Variants in CNTN5 observed in about 807,000 individuals in gnomAD.
CNTN5 encodes contactin-5.
Under a neutral mutation model 129.1 loss-of-function variants are expected in CNTN5, and 77 were observed. The observed-to-expected ratio is 0.60, with a 90% CI of 0.50 to 0.72. The LOEUF is 0.72. Among genes scored for constraint, CNTN5 ranks in the 30% least tolerant of loss-of-function variants. The probability of loss-of-function intolerance (pLI) is 0.00; values close to 1 mark genes in which losing one functional copy is unlikely to be tolerated. For missense variants in CNTN5, 1,478 were observed against 1,328.8 expected (o/e 1.11, Z -1.75); for synonymous variants, 509 against 465.6 (o/e 1.09, Z -1.20).
In CNTN5 at chr11:100,221,259, AG is replaced by A. The variant is rs1949259470; in HGVS notation, c.1885-3431del. 8.5e-5 allele frequency among the ~76,000 whole-genome samples: 13 copies of A among 152,306 alleles called. No homozygotes were observed. In the South Asian group the frequency reaches 2.7e-3, roughly 32 times the overall value. ...GTATGCCTATGTCTAGGTGAATGTAAGGTTGGTGTTGTAGAATGACAGGATT... is the reference window on the plus strand; with the variant it reads ...GTATGCCTATGTCTAGGTGAATGTAAGTTGGTGTTGTAGAATGACAGGATT... On this transcript the variant is annotated intron_variant, in intron 15 of 24. Coordinates refer to ENST00000524871, the MANE Select transcript of CNTN5 (RefSeq NM_014361.4).
At chr11:99,698,487 C>A (rs531446311) in intron 3 of CNTN5, among the ~76,000 whole-genome samples, 3 of 151,448 alleles carry the variant, frequency 2.0e-5, no homozygotes, top group East Asian at 1.9e-4. Flanking sequence ...TATTTATCTC[C>A]TTTTTGGGTC....
intron 2 of CNTN5, among the ~76,000 whole-genome samples, chr11:99,392,539 A>G (rs576454861): frequency 3.3e-5 from 5 of 152,036 alleles, no homozygotes; most frequent in African/African-American, 1.2e-4. Context: ...TACCATCTGC[A>G]TTGCCAGTGA....
At chr11:99,081,313 C>T (rs1247188446) in intron 1 of CNTN5, among the ~76,000 whole-genome samples, 2 of 152,104 alleles carry the variant, frequency 1.3e-5, no homozygotes, top group Non-Finnish European at 1.5e-5. Flanking sequence ...GCTGCAACCT[C>T]ATTAATTTAA....
chr11:100,302,690 C>T (rs1951251557), intron 20 of CNTN5, among the ~76,000 whole-genome samples: 2 of 151,476 alleles, frequency 1.3e-5, no homozygotes, highest in Non-Finnish European at 3.0e-5. Flanking sequence ...GAAAAACTTA[C>T]AAGGCACACC....
intron 1 of CNTN5, among the ~76,000 whole-genome samples, chr11:99,231,539 C>T (rs983481372): frequency 1.3e-5 from 2 of 152,124 alleles, no homozygotes; most frequent in Non-Finnish European, 2.9e-5. Context: ...CTTGTAGACT[C>T]AGGATATTAA....
At chr11:99,416,918 A>G (rs985762861) in intron 2 of CNTN5, among the ~76,000 whole-genome samples, 1 of 152,012 alleles carries the variant, frequency 6.6e-6, no homozygotes, top group Non-Finnish European at 1.5e-5. Flanking sequence ...TCATATCAGG[A>G]CTCCACAACT....
At chr11:99,171,752 T>A (rs568755387) in intron 1 of CNTN5, among the ~76,000 whole-genome samples, 59 of 152,198 alleles carry the variant, frequency 3.9e-4, no homozygotes, top group Non-Finnish European at 6.8e-4. Flanking sequence ...TTGCTCAGTG[T>A]TTCCATGACA....
At chr11:100,024,595 G>C (rs1379044710) in intron 9 of CNTN5, among the ~76,000 whole-genome samples, 1 of 152,172 alleles carries the variant, frequency 6.6e-6, no homozygotes, top group Admixed American at 6.5e-5. Context: ...CGAAAATGCT[G>C]ATAGTGATAT....
chr11:100,231,371 A>G (rs981446262), intron 16 of CNTN5, among the ~76,000 whole-genome samples: 1 of 152,148 alleles, frequency 6.6e-6, no homozygotes, highest in East Asian at 1.9e-4. Flanking sequence ...AGAGACAGGA[A>G]GGGGTGTGTA....
intron 6 of CNTN5, among the ~76,000 whole-genome samples, chr11:99,862,918 G>A (rs1280831927): frequency 6.6e-6 from 1 of 152,120 alleles, no homozygotes; most frequent in Non-Finnish European, 1.5e-5. Context: ...ATTGTGAGAA[G>A]TCGATCTGGG....
At chr11:99,901,631 A>AT (rs1230235629) in intron 6 of CNTN5, among the ~76,000 whole-genome samples, 8 of 152,020 alleles carry the variant, frequency 5.3e-5, no homozygotes, top group African/African-American at 1.9e-4. Flanking sequence ...AGAATGGTTT[A>AT]TTTTTTTCTA....
chr11:100,093,439 T>G (rs1408421122), intron 13 of CNTN5, among the ~76,000 whole-genome samples: 2 of 150,092 alleles, frequency 1.3e-5, no homozygotes, highest in African/African-American at 4.9e-5. Flanking sequence ...TTTTTATTAT[T>G]TTTTTTTTAT....
chr11:100,233,703 G>T (rs1237967004), intron 16 of CNTN5, among the ~76,000 whole-genome samples: 1 of 151,930 alleles, frequency 6.6e-6, no homozygotes, highest in Non-Finnish European at 1.5e-5. Flanking sequence ...ACATCTTGTG[G>T]GACTTCTTAT....
At chr11:99,419,516 T>C (rs1202659125) in intron 2 of CNTN5, among the ~76,000 whole-genome samples, 2 of 152,150 alleles carry the variant, frequency 1.3e-5, no homozygotes, top group African/African-American at 2.4e-5. Flanking sequence ...GAAGGGCTAA[T>C]TGGTTGTTTT....
intron 15 of CNTN5, among the ~76,000 whole-genome samples, chr11:100,196,493 C>T (rs1948642191): frequency 6.6e-6 from 1 of 151,942 alleles, no homozygotes; most frequent in Non-Finnish European, 1.5e-5. Flanking sequence ...ACATTGTATA[C>T]ATCCACATCT....
chr11:99,162,598 C>G (rs1259332553), intron 1 of CNTN5, among the ~76,000 whole-genome samples: 1 of 152,050 alleles, frequency 6.6e-6, no homozygotes, highest in African/African-American at 2.4e-5. Context: ...ATATTTTCTT[C>G]CTATAATACA....
At chr11:99,143,630 T>A (rs1859641038) in intron 1 of CNTN5, among the ~76,000 whole-genome samples, 1 of 152,100 alleles carries the variant, frequency 6.6e-6, no homozygotes. Flanking sequence ...AAGCTGTACA[T>A]GGCTATATTA....
At chr11:99,322,557 A>G (rs1865616626) in intron 1 of CNTN5, among the ~76,000 whole-genome samples, 1 of 152,154 alleles carries the variant, frequency 6.6e-6, no homozygotes, top group African/African-American at 2.4e-5. Context: ...GTTGATAAAA[A>G]TTAATTATCA....
At chr11:100,053,935 C>A (rs1341615762) in intron 9 of CNTN5, among the ~76,000 whole-genome samples, 1 of 151,644 alleles carries the variant, frequency 6.6e-6, no homozygotes, top group Non-Finnish European at 1.5e-5. Flanking sequence ...AAATCTTACA[C>A]AGAGAGACAG....
Sources: allele counts gnomAD v4.1 joint callset (sites outside exome capture counted in the v4.1 genomes callset), GRCh38; gene constraint gnomAD v4.1.1; transcripts MANE v1.5; gene names NCBI Gene and HGNC (gene_info 2026-07-23, HGNC 2026-07-21).